Variants in SPRR3 observed in about 807,000 individuals in gnomAD.
The protein encoded by SPRR3 is small proline rich protein 3, also known as small proline-rich protein 3.
For synonymous variants in SPRR3, 58 were observed against 72.3 expected (o/e 0.80, Z 1.01); for missense variants, 183 against 200.3 (o/e 0.91, Z 0.52).
intron 1 of SPRR3, chr1:153,002,026 C>T (rs1409974906): frequency 1.3e-5 from 2 of 152,174 alleles, no homozygotes; most frequent in Admixed American, 6.5e-5. Flanking sequence ...AATATACCCA[C>T]TTCAAGAGCA....
Position 153,002,998 on chromosome 1 carries a change from C to A in SPRR3, c.-19-4C>A. ...AAGCACTGAATTAGCTGTTTTGTCTCTAGGTCCAGCATCCTTTGAAGCATG... is the reference window on the plus strand; with the variant it reads ...AAGCACTGAATTAGCTGTTTTGTCTATAGGTCCAGCATCCTTTGAAGCATG... On this transcript the variant is annotated splice_region_variant and splice_polypyrimidine_tract_variant and intron_variant, in intron 1 of 1. Transcript: ENST00000295367. 6.3e-7 allele frequency: 1 copy of A among 1,598,160 alleles called. No homozygotes were observed. The highest frequency in any genetic ancestry group is 1.1e-5 in the South Asian group (1 of 88,830).
In SPRR3 at chr1:153,002,924, G is replaced by T. The variant is rs529997966; in HGVS notation, c.-19-78G>T. 7.1e-6 allele frequency: 10 copies of T among 1,409,522 alleles called. No homozygotes were observed. In the East Asian group the frequency reaches 2.3e-4, roughly 33 times the overall value. 87.3% of individuals were successfully genotyped at this position (1,409,522 alleles called of 1,614,324 possible). A position where few individuals can be genotyped will look rare whatever the true frequency, so the allele number is the denominator to read the frequency against. ...GAGGCTCTCAGTTCTGAAGGAGAATGAAATGACAGATATTTGTCATTAAAC... is the reference window on the plus strand; with the variant it reads ...GAGGCTCTCAGTTCTGAAGGAGAATTAAATGACAGATATTTGTCATTAAAC... On this transcript the variant is annotated intron_variant, in intron 1 of 1. Coordinates refer to ENST00000295367, the MANE Select transcript of SPRR3 (RefSeq NM_001097589.2).
chr1:153,002,062 T>A (rs969967631), intron 1 of SPRR3: 4 of 152,180 alleles, frequency 2.6e-5, no homozygotes, highest in Non-Finnish European at 5.9e-5. Context: ...GTATTGAAAA[T>A]TTTTAATATA....
intron 1 of SPRR3, chr1:153,002,040 T>C (rs955726873): frequency 6.6e-6 from 1 of 152,220 alleles, no homozygotes; most frequent in African/African-American, 2.4e-5. Context: ...AAGAGCACTC[T>C]CCTGTCAACA....
At chr1:153,002,159 T>C (rs148923996) in intron 1 of SPRR3, 1 of 152,386 alleles carries the variant, frequency 6.6e-6, no homozygotes, top group Non-Finnish European at 1.5e-5. Flanking sequence ...AACATATACT[T>C]GACTAAAATT....
chr1:153,002,461 A>C (rs1292184698), intron 1 of SPRR3: 4 of 158,484 alleles, frequency 2.5e-5, no homozygotes, highest in African/African-American at 7.2e-5. Flanking sequence ...TAGACTGCTG[A>C]CCTTAAAATC....
At chr1:153,002,744 G>A (rs756678631) in intron 1 of SPRR3, 53 of 480,302 alleles carry the variant, frequency 1.1e-4, no homozygotes, top group Admixed American at 1.9e-4. Context: ...CATGTTGTAC[G>A]TAGGTTTTTA....
At position 153,003,245 on chromosome 1, in the gene SPRR3, C is replaced by T. The variant is rs774823261; in HGVS notation, c.225C>T (p.Thr75=). 1.3e-6 allele frequency: 2 copies of T among 1,590,578 alleles called. No homozygotes were observed. The highest frequency in any genetic ancestry group is 1.7e-5 in the Admixed American group (1 of 58,142). Residue 75 remains threonine, a synonymous_variant, in exon 2 of 2, where the codon ACC becomes ACT. Transcript: ENST00000295367. The stretch of plus-strand genomic sequence containing the variant: ...CCAAGGTCCCTGAGCCAGGCTGTAC[C>T]AAGGTCCCTGAGCCAGGTTGTACCA... The part of the protein sequence containing the change: ...GCTKVPEPGC[T]KVPEPGCTKV...
chr1:153,001,778 C>T lies in SPRR3; in HGVS notation c.-35C>T, dbSNP rs28924721. The stretch of plus-strand genomic sequence containing the variant: ...GATCCCAGAGGCTGAACACCTCGAC[C>T]TTCTCTGCACAGCAGGTGAGTCTCC... On this transcript the variant is annotated 5_prime_UTR_variant, in exon 1 of 2. Coordinates refer to ENST00000295367, the MANE Select transcript of SPRR3 (RefSeq NM_001097589.2). 0.33 allele frequency: 50,723 copies of T among 152,068 alleles called. 10,871 individuals carry two copies. The highest frequency in any genetic ancestry group is 0.49 in the Non-Finnish European group (33,268 of 67,874). The allele number at this position is 152,068 out of a possible 1,614,324, so 9.4% of individuals were successfully genotyped here. A position where few individuals can be genotyped will look rare whatever the true frequency, so the allele number is the denominator to read the frequency against.
rs1652882911 is a variant in SPRR3, at chr1:153,003,580, C to A, written c.*50C>A. The A allele has an allele frequency of 1.3e-6, 2 of 1,596,486 alleles. No individual in the cohort carries two copies. Among genetic ancestry groups the A allele is most frequent in the Non-Finnish European group, 1.7e-6 (2 of 1,170,034 alleles). ...GAAGCCAACCACCAGATGCTGGACA[C>A]CCTCTTCCCATCTGTTTCTGTGTCT... On this transcript the variant is annotated 3_prime_UTR_variant, in exon 2 of 2. Transcript: ENST00000295367.
chr1:153,003,202 TCCCTGAGCCAGGCTGTACCAAGGTC>T lies in SPRR3; in HGVS notation c.185_209del (p.Pro62LeufsTer130). ...ATTCCAGAGCCAGGCTGTACCAAGGTCCCTGAGCCAGGCTGTACCAAGGTCCCTGAGCCAGGCTGTACCAAGGTCC... is the reference window on the plus strand; with the variant it reads ...ATTCCAGAGCCAGGCTGTACCAAGGTCCTGAGCCAGGCTGTACCAAGGTCC... On this transcript the variant is annotated frameshift_variant, in exon 2 of 2. Coordinates refer to ENST00000295367, the MANE Select transcript of SPRR3 (RefSeq NM_001097589.2). LOFTEE classifies it low-confidence loss of function (END_TRUNC). The T allele has an allele frequency of 8.2e-7, 1 of 1,217,238 alleles. No individual in the cohort carries two copies. Among genetic ancestry groups the T allele is most frequent in the Non-Finnish European group, 1.1e-6 (1 of 949,782 alleles). The allele number at this position is 1,217,238 out of a possible 1,614,324, so 75.4% of individuals were successfully genotyped here. A position where few individuals can be genotyped will look rare whatever the true frequency, so the allele number is the denominator to read the frequency against.
intron 1 of SPRR3, 168 bp downstream of exon 1, chr1:153,001,961 C>CTTAG (rs1012910278): frequency 6.6e-6 from 1 of 152,166 alleles, no homozygotes; most frequent in Non-Finnish European, 1.5e-5. Context: ...AGGTGTGGAA[C>CTTAG]TTAGGATCAG....
At position 153,002,768 on chromosome 1, in the gene SPRR3, G is replaced by A. The variant is rs1652819546; in HGVS notation, c.-19-234G>A. 1.3e-5 allele frequency: 7 copies of A among 532,162 alleles called. No individual in the cohort carries two copies. The South Asian group carries it at 1.7e-4, about 13-fold the overall frequency. The allele number at this position is 532,162 out of a possible 1,614,324, so 33.0% of individuals were successfully genotyped here. A position where few individuals can be genotyped will look rare whatever the true frequency, so the allele number is the denominator to read the frequency against. On this transcript the variant is annotated intron_variant, in intron 1 of 1. Coordinates refer to ENST00000295367, the MANE Select transcript of SPRR3 (RefSeq NM_001097589.2). ...CGTAGGTTTTTAGATGTACCAGGAA[G>A]AAAAGAAGCATAAAGAAAGGCTCCA...
Position 153,003,479 on chromosome 1 carries a change from T to A in SPRR3, c.459T>A (p.Cys153Ter). 1 of 1,614,100 alleles carries A rather than the reference T, an allele frequency of 6.2e-7. No homozygotes were observed. The highest frequency in any genetic ancestry group is 8.5e-7 in the Non-Finnish European group (1 of 1,180,030). Residue 153 changes from cysteine to a stop codon, truncating the protein, a stop_gained, in exon 2 of 2, where the codon TGT becomes TGA. Coordinates refer to ENST00000295367, the MANE Select transcript of SPRR3 (RefSeq NM_001097589.2). LOFTEE classifies it low-confidence loss of function (END_TRUNC). ...GCTACACAAAGCTACCAGAGCCATG[T>A]CCTTCAACGGTCACTCCAGGCCCAG... Reference protein sequence around the residue: ...VPGYTKLPEPCPSTVTPGPAQ... With the variant: ...VPGYTKLPEP
Sources: gnomAD v4.1 joint callset for allele counts on GRCh38, gnomAD v4.1.1 for gene constraint, MANE v1.5 for transcripts, NCBI Gene and HGNC (gene_info 2026-07-23, HGNC 2026-07-21) for gene names.